The following NAV2 variants were observed in gnomAD, a reference collection of about 807,000 sequenced individuals.
NAV2 encodes the protein helicase, APC down-regulated 1.
In NAV2, 54 loss-of-function variants were observed where a neutral mutation model predicts 223.2. The observed-to-expected ratio is 0.24, with a 90% CI of 0.19 to 0.30. The LOEUF is 0.30. Ranked by LOEUF, NAV2 falls within the 10% of genes least tolerant of loss-of-function variation. NAV2 has a pLI of 1.00. For missense variants in NAV2, 2,806 were observed against 3,147.5 expected (o/e 0.89, Z 2.60); for synonymous variants, 1,279 against 1,239.3 (o/e 1.03, Z -0.67).
intron 1 of NAV2, among the ~76,000 whole-genome samples, chr11:19,553,614 G>A (rs893564942): frequency 2.6e-5 from 4 of 152,270 alleles, no homozygotes; most frequent in African/African-American, 9.6e-5. Flanking sequence ...TGGGCTGCGG[G>A]TGGCCTCAGG....
At chr11:19,939,545 G>A in intron 7 of NAV2, 116 bp from the exon 8 acceptor site, 1 of 708,496 alleles carries the variant, frequency 1.4e-6, no homozygotes, top group Non-Finnish European at 2.5e-6. Flanking sequence ...GGTCCACTCT[G>A]TTCTGAAGCT....
intron 1 of NAV2, among the ~76,000 whole-genome samples, chr11:19,822,313 A>G (rs1419906174): frequency 6.6e-6 from 1 of 152,208 alleles, no homozygotes; most frequent in East Asian, 1.9e-4. Flanking sequence ...ATCTGACTCT[A>G]AGAAGTGTTC....
rs569062585 is a variant in NAV2 at position 19,387,239 on chromosome 11, G to T, written c.75+36212G>T. Among the ~76,000 whole-genome samples the T allele has an allele frequency of 2.6e-5, 4 of 152,312 alleles. No individual in the cohort carries two copies. The South Asian group carries it at 8.3e-4, about 32-fold the overall frequency. ...AAGCCTCTGTGATCCCAATCAGCTA[G>T]GTGCTCAGGGAGCATGGTGGCGGGA... On this transcript the variant is annotated intron_variant, in intron 1 of 37. Transcript: ENST00000360655.
intron 6 of NAV2, among the ~76,000 whole-genome samples, chr11:19,914,025 G>A (rs1184615519): frequency 1.3e-5 from 2 of 152,210 alleles, no homozygotes; most frequent in Non-Finnish European, 2.9e-5. Flanking sequence ...TAGCACATCA[G>A]AGCGAATTTT....
intron 6 of NAV2, among the ~76,000 whole-genome samples, chr11:19,932,451 T>A (rs1204727094): frequency 6.6e-6 from 1 of 152,118 alleles, no homozygotes; most frequent in Non-Finnish European, 1.5e-5. Flanking sequence ...CCCAAGTAGC[T>A]GGGATTACAG....
At chr11:19,859,881 C>A (rs1440185421) in intron 3 of NAV2, among the ~76,000 whole-genome samples, 7 of 132,078 alleles carry the variant, frequency 5.3e-5, no homozygotes, top group Admixed American at 1.5e-4. Flanking sequence ...GACCCCCCCA[C>A]CTCCCTCCCG....
intron 1 of NAV2, among the ~76,000 whole-genome samples, chr11:19,403,096 A>G (rs1282204542): frequency 6.6e-6 from 1 of 152,176 alleles, no homozygotes; most frequent in African/African-American, 2.4e-5. Flanking sequence ...CATCTGAAAT[A>G]TGGGTTGTTA....
chr11:19,510,360 A>G (rs1381901932), intron 1 of NAV2, among the ~76,000 whole-genome samples: 1 of 152,214 alleles, frequency 6.6e-6, no homozygotes, highest in African/African-American at 2.4e-5. Context: ...CCTGAAACCT[A>G]CATGAGAGCC....
intron 10 of NAV2, among the ~76,000 whole-genome samples, chr11:19,961,480 G>T (rs2048348234): frequency 1.3e-5 from 2 of 152,216 alleles, no homozygotes; most frequent in Non-Finnish European, 2.9e-5. Flanking sequence ...AGAAGGCTAT[G>T]TGTGCCTGTG....
At chr11:19,375,315 G>T (rs544817599) in intron 1 of NAV2, among the ~76,000 whole-genome samples, 14 of 152,316 alleles carry the variant, frequency 9.2e-5, no homozygotes, top group Admixed American at 9.1e-4. Context: ...ACACTCATAA[G>T]CAGGTGTGTT....
At chr11:20,062,163 C>A in intron 19 of NAV2, 144 bp from the exon 20 acceptor site, 1 of 536,684 alleles carries the variant, frequency 1.9e-6, no homozygotes. Flanking sequence ...TGACCTATCG[C>A]CAAACCAGGA....
chr11:19,588,673 G>A (rs56785453), intron 1 of NAV2, among the ~76,000 whole-genome samples: 6 of 152,166 alleles, frequency 3.9e-5, no homozygotes, highest in Admixed American at 3.3e-4. Flanking sequence ...AATGAAAAAG[G>A]ATAGAAAATG....
chr11:19,519,513 G>C (rs1300981606), intron 1 of NAV2, among the ~76,000 whole-genome samples: 2 of 152,214 alleles, frequency 1.3e-5, no homozygotes, highest in African/African-American at 4.8e-5. Context: ...GCCAGGGTTT[G>C]AACCCTGATG....
chr11:19,714,650 G>C (rs1369012016), intron 1 of NAV2: 9 of 368,060 alleles, frequency 2.4e-5, no homozygotes, highest in African/African-American at 4.2e-5. Flanking sequence ...GGCGGCCGAA[G>C]CTAAGCCCCT....
intron 1 of NAV2, among the ~76,000 whole-genome samples, chr11:19,447,814 C>T (rs1851641503): frequency 6.6e-6 from 1 of 152,096 alleles, no homozygotes; most frequent in Non-Finnish European, 1.5e-5. Context: ...TCTTCCTTAG[C>T]CTTGACGTTC....
intron 1 of NAV2, among the ~76,000 whole-genome samples, chr11:19,609,472 G>A (rs1444092062): frequency 6.6e-6 from 1 of 152,176 alleles, no homozygotes; most frequent in Admixed American, 6.5e-5. Context: ...GCAGGTGAAG[G>A]GAGGGTGAAG....
chr11:19,797,328 T>C (rs1161584855), intron 1 of NAV2, among the ~76,000 whole-genome samples: 1 of 152,204 alleles, frequency 6.6e-6, no homozygotes, highest in Non-Finnish European at 1.5e-5. Flanking sequence ...AGTGGTTTTA[T>C]TGTCTGTTGG....
At chr11:19,634,244 TA>T (rs1482417363) in intron 1 of NAV2, among the ~76,000 whole-genome samples, 2 of 152,112 alleles carry the variant, frequency 1.3e-5, no homozygotes, top group African/African-American at 4.8e-5. Context: ...TGGCATTGAG[TA>T]AATGTGTAGG....
chr11:20,028,650 G>A (rs536114452), intron 11 of NAV2, among the ~76,000 whole-genome samples: 9 of 152,288 alleles, frequency 5.9e-5, no homozygotes, highest in East Asian at 5.8e-4. Flanking sequence ...TCATTCTGCC[G>A]TGGTTTGAGT....
Sources: allele counts gnomAD v4.1 joint callset (sites outside exome capture counted in the v4.1 genomes callset), GRCh38; gene constraint gnomAD v4.1.1; transcripts MANE v1.5; gene names NCBI Gene and HGNC (gene_info 2026-07-23, HGNC 2026-07-21).